KCNMB2: variants seen among roughly 807,000 people sequenced by gnomAD.
KCNMB2 encodes calcium-activated potassium channel subunit beta-2.
Under a neutral mutation model 24.5 loss-of-function variants are expected in KCNMB2, and 9 were observed. The observed-to-expected ratio is 0.37, with a 90% CI of 0.22 to 0.64. The LOEUF (loss-of-function observed/expected upper bound fraction) is 0.64, where lower values mean the gene tolerates loss of function less well. KCNMB2 is among the 30% of genes least tolerant of loss of function. The pLI, the probability that KCNMB2 is intolerant of heterozygous loss-of-function variation, is 0.63. For missense variants in KCNMB2, 226 were observed against 284.3 expected, an observed-to-expected ratio of 0.79 and a Z score of 1.47; for synonymous variants, 109 against 104.4, an observed-to-expected ratio of 1.04 and a Z score of -0.27.
intron 1 of KCNMB2, among the ~76,000 whole-genome samples, chr3:178,599,418 GA>G (rs1717998572): frequency 6.6e-6 from 1 of 151,924 alleles, no homozygotes; most frequent in South Asian, 2.1e-4. Context: ...AAAAAAGCAG[GA>G]AAAAGAAAAA....
chr3:178,653,578 G>A (rs1369199758), intron 1 of KCNMB2, among the ~76,000 whole-genome samples: 2 of 151,986 alleles, frequency 1.3e-5, no homozygotes, highest in African/African-American at 2.4e-5. Context: ...GTTAAACAAG[G>A]CCTGGCCCTC....
chr3:178,569,391 G>T (rs945709325), intron 1 of KCNMB2, among the ~76,000 whole-genome samples: 2 of 152,070 alleles, frequency 1.3e-5, no homozygotes, highest in Admixed American at 1.3e-4. Context: ...GTGTAGAGGG[G>T]CGCACTACCC....
chr3:178,592,327 G>A (rs917115790), intron 1 of KCNMB2, among the ~76,000 whole-genome samples: 2 of 152,110 alleles, frequency 1.3e-5, no homozygotes, highest in Non-Finnish European at 2.9e-5. Context: ...GGAACGCGAA[G>A]GTAATACAGA....
chr3:178,615,077 T>C (rs1202738860), intron 1 of KCNMB2, among the ~76,000 whole-genome samples: 1 of 152,216 alleles, frequency 6.6e-6, no homozygotes, highest in Non-Finnish European at 1.5e-5. Context: ...CTGGATTACC[T>C]GACAGAAACT....
At chr3:178,639,949 T>C (rs868020483) in intron 1 of KCNMB2, among the ~76,000 whole-genome samples, 1 of 152,198 alleles carries the variant, frequency 6.6e-6, no homozygotes, top group Non-Finnish European at 1.5e-5. Context: ...ATTAACCTCA[T>C]GGCTAAAAGT....
chr3:178,609,002 GC>G (rs1718380588), intron 1 of KCNMB2, among the ~76,000 whole-genome samples: 1 of 152,110 alleles, frequency 6.6e-6, no homozygotes, highest in Non-Finnish European at 1.5e-5. Context: ...TTGGGTACAT[GC>G]CCAGCAGTGG....
At chr3:178,771,473 CTTTTTTTTTT>C (rs66694279) in intron 1 of KCNMB2, among the ~76,000 whole-genome samples, 64 of 87,532 alleles carry the variant, frequency 7.3e-4, no homozygotes, top group African/African-American at 2.9e-3. Flanking sequence ...TTCTTTCTTT[CTTTTTTTTTT>C]TTTTTTTTTT....
intron 1 of KCNMB2, among the ~76,000 whole-genome samples, chr3:178,615,365 A>G (rs1029123661): frequency 1.1e-4 from 16 of 152,174 alleles, no homozygotes; most frequent in South Asian, 2.1e-4. Context: ...CAGGATGGTG[A>G]ATTCCCCCAG....
chr3:178,615,593 A>C (rs1718675235), intron 1 of KCNMB2, among the ~76,000 whole-genome samples: 1 of 152,204 alleles, frequency 6.6e-6, no homozygotes, highest in East Asian at 1.9e-4. Context: ...CTACCAGCCA[A>C]TGTTCCCTTT....
intron 2 of KCNMB2, among the ~76,000 whole-genome samples, chr3:178,810,773 C>T (rs759831458): frequency 5.3e-5 from 8 of 151,912 alleles, no homozygotes; most frequent in Non-Finnish European, 8.8e-5. Context: ...CTCGCTCTGT[C>T]GCCCAGGCTG....
At chr3:178,792,514 A>G (rs1237227841) in intron 1 of KCNMB2, among the ~76,000 whole-genome samples, 2 of 152,212 alleles carry the variant, frequency 1.3e-5, no homozygotes, top group East Asian at 3.8e-4. Context: ...GAAAGAGAAG[A>G]CTGCAAAACA....
chr3:178,791,898 A>T (rs1292060666), intron 1 of KCNMB2, among the ~76,000 whole-genome samples: 1 of 152,120 alleles, frequency 6.6e-6, no homozygotes, highest in Non-Finnish European at 1.5e-5. Flanking sequence ...ACCCAGCAAA[A>T]ATATCTTTTA....
chr3:178,642,955 T>G (rs1032895331), intron 1 of KCNMB2, among the ~76,000 whole-genome samples: 6 of 152,216 alleles, frequency 3.9e-5, no homozygotes, highest in Admixed American at 3.9e-4. Flanking sequence ...CAGAAGACGT[T>G]TGACACAGCA....
At chr3:178,736,667 G>A (rs1162739266) in intron 1 of KCNMB2, among the ~76,000 whole-genome samples, 1 of 152,114 alleles carries the variant, frequency 6.6e-6, no homozygotes, top group East Asian at 1.9e-4. Flanking sequence ...GACCCCAAAG[G>A]CTCCTAATGG....
chr3:178,563,359 C>G (rs1403321173), intron 1 of KCNMB2, among the ~76,000 whole-genome samples: 1 of 152,164 alleles, frequency 6.6e-6, no homozygotes, highest in Non-Finnish European at 1.5e-5. Flanking sequence ...TTGTCCAAAG[C>G]TTAAACGAGT....
intron 1 of KCNMB2, among the ~76,000 whole-genome samples, chr3:178,782,518 G>C (rs1712900700): frequency 6.7e-6 from 1 of 150,012 alleles, no homozygotes; most frequent in African/African-American, 2.4e-5. Context: ...TTGTGGTTTT[G>C]ATTTGCATTT....
intron 1 of KCNMB2, among the ~76,000 whole-genome samples, chr3:178,768,909 A>G (rs760263076): frequency 8.5e-5 from 13 of 152,228 alleles, no homozygotes; most frequent in Non-Finnish European, 1.5e-4. Flanking sequence ...GTTTCACATG[A>G]GTGAAATCTG....
chr3:178,702,317 G>C (rs967037548), intron 1 of KCNMB2, among the ~76,000 whole-genome samples: 1 of 149,700 alleles, frequency 6.7e-6, no homozygotes, highest in Non-Finnish European at 1.5e-5. Flanking sequence ...AGCGTTAGGA[G>C]ATATACCTAA....
rs1714214705 is a variant in KCNMB2, at chr3:178,812,086, G to A, written c.56+4621G>A. 2.0e-5 allele frequency among the ~76,000 whole-genome samples: 3 copies of A among 151,880 alleles called. No individual in the cohort carries two copies. The South Asian group carries it at 6.2e-4, about 32-fold the overall frequency. On this transcript the variant is annotated intron_variant, in intron 2 of 4. Transcript: ENST00000452583. Reference sequence around the variant, plus strand: ...CCTCTTACCATTTTTCTACTGGATTGTTTGTCTTTTACTTGACTTGCAGGA... The same window carrying A: ...CCTCTTACCATTTTTCTACTGGATTATTTGTCTTTTACTTGACTTGCAGGA...
Sources: allele counts gnomAD v4.1 joint callset (sites outside exome capture counted in the v4.1 genomes callset), GRCh38; gene constraint gnomAD v4.1.1; transcripts MANE v1.5; gene names NCBI Gene and HGNC (gene_info 2026-07-23, HGNC 2026-07-21).